The following MGRN1 variants were observed in gnomAD, a reference collection of about 807,000 sequenced individuals.
The protein encoded by MGRN1 is E3 ubiquitin-protein ligase MGRN1.
In MGRN1, 29 loss-of-function variants were observed where a neutral mutation model predicts 69.2. The observed-to-expected ratio is 0.42, with a 90% confidence interval of 0.31 to 0.57. The LOEUF is 0.57. Ranked by LOEUF, MGRN1 falls within the 20% of genes least tolerant of loss-of-function variation. MGRN1 has a pLI of 0.15. For missense variants in MGRN1, 998 were observed against 796.2 expected (o/e 1.25, Z -3.05); for synonymous variants, 470 against 344.2 (o/e 1.37, Z -4.04).
At chr16:4,640,375 G>C (rs1352565786) in intron 1 of MGRN1, 2 of 152,242 alleles carry the variant, frequency 1.3e-5, no homozygotes, top group African/African-American at 2.4e-5. Flanking sequence ...GAGGCTGTTC[G>C]GGGAATGCCT....
At chr16:4,625,490 G>C (rs1184686975) in intron 1 of MGRN1, among the ~76,000 whole-genome samples, 1 of 152,232 alleles carries the variant, frequency 6.6e-6, no homozygotes, top group East Asian at 1.9e-4. Flanking sequence ...CGAGCCAGTG[G>C]TTTGGGCAAT....
At chr16:4,671,520 G>A (rs538879732) in intron 9 of MGRN1, 61 bp downstream of exon 9, 17 of 1,500,030 alleles carry the variant, frequency 1.1e-5, no homozygotes, top group South Asian at 3.4e-5. Flanking sequence ...GAGCAGCCGC[G>A]GACAGCAATG....
intron 7 of MGRN1, among the ~76,000 whole-genome samples, chr16:4,666,447 G>T (rs2078807977): frequency 6.6e-6 from 1 of 152,216 alleles, no homozygotes; most frequent in African/African-American, 2.4e-5. Context: ...GCTTTTCAAA[G>T]GGTACTTGGA....
intron 16 of MGRN1, among the ~76,000 whole-genome samples, chr16:4,685,899 G>A (rs1022614595): frequency 2.0e-5 from 3 of 152,184 alleles, no homozygotes; most frequent in African/African-American, 7.2e-5. Context: ...TGGGGGCCCT[G>A]GTGTCTTGGA....
intron 16 of MGRN1, 107 bp from the exon 17 acceptor site, chr16:4,688,688 TG>T (rs1244392389): frequency 2.1e-6 from 3 of 1,448,894 alleles, no homozygotes; most frequent in Admixed American, 2.6e-5. Flanking sequence ...GCGGCGGGAG[TG>T]GGGGTGCTGG....
At chr16:4,637,458 T>A (rs893997150) in intron 1 of MGRN1, among the ~76,000 whole-genome samples, 5 of 152,144 alleles carry the variant, frequency 3.3e-5, no homozygotes, top group African/African-American at 1.2e-4. Context: ...AATTGAGTTA[T>A]CTTTTTTTCT....
chr16:4,626,891 A>G (rs1036809100), intron 1 of MGRN1, among the ~76,000 whole-genome samples: 9 of 152,230 alleles, frequency 5.9e-5, no homozygotes, highest in African/African-American at 2.2e-4. Context: ...TGCCAGTGCC[A>G]GCAGTGTTCT....
At chr16:4,684,699 C>G (rs1055007270) in intron 16 of MGRN1, among the ~76,000 whole-genome samples, 1 of 152,264 alleles carries the variant, frequency 6.6e-6, no homozygotes, top group African/African-American at 2.4e-5. Flanking sequence ...AGTTTCGAAT[C>G]CTAAGCTCTA....
At chr16:4,629,427 C>G (rs1401931150) in intron 1 of MGRN1, among the ~76,000 whole-genome samples, 1 of 152,016 alleles carries the variant, frequency 6.6e-6, no homozygotes, top group African/African-American at 2.4e-5. Flanking sequence ...TAAGTGGATA[C>G]TGCTTTTGGA....
At chr16:4,683,752 C>G in intron 15 of MGRN1, 91 bp from the exon 16 acceptor site, 2 of 1,138,080 alleles carry the variant, frequency 1.8e-6, no homozygotes, top group Non-Finnish European at 2.5e-6. Flanking sequence ...GCTACAGAGC[C>G]CTTGGGTAAG....
chr16:4,663,038 G>A (rs2078717589), intron 5 of MGRN1, among the ~76,000 whole-genome samples: 1 of 152,166 alleles, frequency 6.6e-6, no homozygotes, highest in Non-Finnish European at 1.5e-5. Context: ...GGCCTGCCAG[G>A]CCTTTCCTAT....
In MGRN1 at chr16:4,664,853, C is replaced by G. The variant is rs112652618; in HGVS notation, c.628+78C>G. 3.2e-6 allele frequency: 5 copies of G among 1,562,804 alleles called. 1 individual carries two copies. In the Middle Eastern group the frequency reaches 6.7e-4, roughly 209 times the overall value. ...GCACGTCTTGAGGGAGGAGTGCTTG[C>G]AGCAGTGATGAAGCAGGCCAGGCAT... On this transcript the variant is annotated intron_variant, in intron 6 of 16. Transcript: ENST00000262370.
chr16:4,662,954 TAGTC>T (rs1016263236), intron 5 of MGRN1, among the ~76,000 whole-genome samples: 3 of 152,186 alleles, frequency 2.0e-5, no homozygotes, highest in South Asian at 2.1e-4. Context: ...TCATGGGTCT[TAGTC>T]AGTGAGGCCT....
At chr16:4,650,297 T>G in intron 1 of MGRN1, 68 bp from the exon 2 acceptor site, 1 of 1,332,268 alleles carries the variant, frequency 7.5e-7, no homozygotes, top group Non-Finnish European at 1.0e-6. Context: ...GCCACTGCAC[T>G]CTAGCCTGAG....
At chr16:4,655,330 G>T (rs1211291771) in intron 4 of MGRN1, among the ~76,000 whole-genome samples, 1 of 152,218 alleles carries the variant, frequency 6.6e-6, no homozygotes, top group Non-Finnish European at 1.5e-5. Context: ...AGAGAGAGCA[G>T]AGAGGGTGCC....
At position 4,690,613 on chromosome 16, in the gene MGRN1, C is replaced by G. The variant is rs990330813; in HGVS notation, c.*1705C>G. On this transcript the variant is annotated 3_prime_UTR_variant, in exon 17 of 17. Coordinates refer to ENST00000262370, the MANE Select transcript of MGRN1 (RefSeq NM_015246.4). ...ATGCTCACGCACATGTTCACACATG[C>G]ACACTCACGCTCACACATGCTGTCA... 5.9e-5 allele frequency: 9 copies of G among 152,362 alleles called. No homozygotes were observed. The highest frequency in any genetic ancestry group is 1.7e-4 in the African/African-American group (7 of 41,428). The allele number at this position is 152,362 out of a possible 1,614,324, so 9.4% of individuals were successfully genotyped here.
intron 5 of MGRN1, among the ~76,000 whole-genome samples, chr16:4,658,257 C>T (rs546056403): frequency 6.2e-4 from 94 of 151,334 alleles, no homozygotes; most frequent in Non-Finnish European, 4.0e-4. Flanking sequence ...CTTGTGTGGC[C>T]GGGCGCGGTG....
At chr16:4,660,427 T>A (rs1003759951) in intron 5 of MGRN1, among the ~76,000 whole-genome samples, 2 of 152,132 alleles carry the variant, frequency 1.3e-5, no homozygotes, top group Non-Finnish European at 2.9e-5. Flanking sequence ...CCCCAGACCG[T>A]TGGTTTTTAT....
At chr16:4,673,120 G>C (rs1191184639) in intron 9 of MGRN1, among the ~76,000 whole-genome samples, 1 of 152,220 alleles carries the variant, frequency 6.6e-6, no homozygotes, top group Non-Finnish European at 1.5e-5. Context: ...TTACAGGCGT[G>C]AGCCACCGCG....
Sources: gnomAD v4.1 joint callset for allele counts (sites outside exome capture counted in the v4.1 genomes callset) on GRCh38, gnomAD v4.1.1 for gene constraint, MANE v1.5 for transcripts, NCBI Gene and HGNC (gene_info 2026-07-23, HGNC 2026-07-21) for gene names.